The following OSBP2 variants were observed in gnomAD, a reference collection of about 807,000 sequenced individuals.
OSBP2 encodes the protein oxysterol-binding protein 2.
A neutral mutation model predicts 96.0 loss-of-function variants in OSBP2; 66 were observed. That is an observed-to-expected ratio of 0.69 (90% CI 0.56 to 0.84). The LOEUF is 0.84. OSBP2 is among the 40% of genes least tolerant of loss of function. The pLI, the probability that OSBP2 is intolerant of heterozygous loss-of-function variation, is 0.00. For synonymous variants in OSBP2, 525 were observed against 520.9 expected, an observed-to-expected ratio of 1.01 and a Z score of -0.11; for missense variants, 1,038 against 1,222.7, an observed-to-expected ratio of 0.85 and a Z score of 2.25.
intron 2 of OSBP2, among the ~76,000 whole-genome samples, chr22:30,810,201 G>A (rs1023943488): frequency 3.3e-5 from 5 of 152,116 alleles, no homozygotes; most frequent in African/African-American, 9.7e-5. Flanking sequence ...GTCCTCAAGC[G>A]AGGACAGAGG....
chr22:30,791,325 T>C (rs948998010), intron 2 of OSBP2, among the ~76,000 whole-genome samples: 61 of 128,538 alleles, frequency 4.7e-4, no homozygotes, highest in Non-Finnish European at 8.1e-4. Flanking sequence ...ATTCTTCTTT[T>C]TTTTTTTTTT....
At chr22:30,716,082 C>T (rs569082324) in intron 1 of OSBP2, among the ~76,000 whole-genome samples, 3 of 151,126 alleles carry the variant, frequency 2.0e-5, no homozygotes, top group African/African-American at 7.3e-5. Flanking sequence ...GCTCTTGTCG[C>T]CCAGGCTGGA....
intron 2 of OSBP2, among the ~76,000 whole-genome samples, chr22:30,756,871 G>GT (rs2090147456): frequency 6.6e-6 from 1 of 152,110 alleles, no homozygotes; most frequent in Admixed American, 6.6e-5. Flanking sequence ...TCAGGCAGGG[G>GT]TGATAGGGCC....
intron 2 of OSBP2, among the ~76,000 whole-genome samples, chr22:30,796,663 G>A (rs2090767067): frequency 6.6e-6 from 1 of 151,944 alleles, no homozygotes; most frequent in Admixed American, 6.6e-5. Flanking sequence ...ATGCCACCAA[G>A]CCCAGCTAAT....
chr22:30,728,239 A>G (rs1228837746), intron 1 of OSBP2, among the ~76,000 whole-genome samples: 1 of 151,928 alleles, frequency 6.6e-6, no homozygotes, highest in East Asian at 1.9e-4. Flanking sequence ...TACTAAAAAT[A>G]CAAAAAATTA....
chr22:30,777,169 G>T (rs971867509), intron 2 of OSBP2, among the ~76,000 whole-genome samples: 14 of 152,182 alleles, frequency 9.2e-5, no homozygotes, highest in African/African-American at 3.4e-4. Flanking sequence ...TTGGGGGACT[G>T]TTGGGAAGGC....
In OSBP2 at chr22:30,804,164, C is replaced by T. The variant is rs140691042; in HGVS notation, c.853+62795C>T. Among the ~76,000 whole-genome samples the T allele has an allele frequency of 6.9e-3, 1,045 of 152,282 alleles. 11 individuals are homozygous for T. Among genetic ancestry groups the T allele is most frequent in the Admixed American group, 0.01 (160 of 15,302 alleles). ...ATGGGTGGGCTTCTGGGGGGCTTTA[C>T]TGCCTAGGCAAAAGGGATTTGGTGT... On this transcript the variant is annotated intron_variant, in intron 2 of 13. Coordinates refer to ENST00000332585, the MANE Select transcript of OSBP2 (RefSeq NM_030758.4).
chr22:30,739,870 C>T (rs777021522), intron 1 of OSBP2, among the ~76,000 whole-genome samples: 35 of 151,916 alleles, frequency 2.3e-4, no homozygotes, highest in African/African-American at 5.3e-4. Context: ...GACAGAGTCT[C>T]GCTCTGTAGC....
At chr22:30,865,444 G>A (rs2039315516) in intron 2 of OSBP2, among the ~76,000 whole-genome samples, 2 of 152,056 alleles carry the variant, frequency 1.3e-5, no homozygotes, top group Admixed American at 1.3e-4. Context: ...GGCCAACATA[G>A]TGAAACCCCA....
chr22:30,789,748 C>T (rs1213780434), intron 2 of OSBP2, among the ~76,000 whole-genome samples: 5 of 152,056 alleles, frequency 3.3e-5, no homozygotes, highest in Non-Finnish European at 7.4e-5. Flanking sequence ...GTACCAGTGA[C>T]CAGAAGGTGG....
chr22:30,886,987 CCCCGGGGCTG>C lies in OSBP2; in HGVS notation c.1108-437_1108-428del, dbSNP rs1489076096. On this transcript the variant is annotated intron_variant, in intron 3 of 13. Transcript: ENST00000332585. ...ATGGCTACTCCATAGATAGAGCAGC[CCCCGGGGCTG>C]CTTGTTGCCCATTTTTATGGTTATT... Among the ~76,000 whole-genome samples, 3 of 152,102 alleles carry C rather than the reference CCCCGGGGCTG, an allele frequency of 2.0e-5. No individual in the cohort carries two copies. In the East Asian group the frequency reaches 5.8e-4, roughly 29 times the overall value.
In OSBP2 at chr22:30,907,195, C is replaced by G. The variant is rs990561233; in HGVS notation, c.*856C>G. 1.3e-5 allele frequency: 2 copies of G among 152,628 alleles called. No individual in the cohort carries two copies. Among genetic ancestry groups the G allele is most frequent in the Non-Finnish European group, 2.9e-5 (2 of 68,056 alleles). The allele number at this position is 152,628 out of a possible 1,614,324, so 9.5% of individuals were successfully genotyped here. On this transcript the variant is annotated 3_prime_UTR_variant, in exon 14 of 14. Coordinates refer to ENST00000332585, the MANE Select transcript of OSBP2 (RefSeq NM_030758.4). ...CAGGCCCCAAATCAGCAATAATGAACAAACCCTTGGCCCAGCCTGGGCTGG... is the reference window on the plus strand; with the variant it reads ...CAGGCCCCAAATCAGCAATAATGAAGAAACCCTTGGCCCAGCCTGGGCTGG...
intron 2 of OSBP2, among the ~76,000 whole-genome samples, chr22:30,746,431 A>C (rs141787267): frequency 3.0e-4 from 46 of 152,074 alleles, no homozygotes; most frequent in African/African-American, 1.1e-3. Flanking sequence ...CTCAAAAAAA[A>C]AATTATACCA....
At chr22:30,757,793 C>T (rs2090159827) in intron 2 of OSBP2, among the ~76,000 whole-genome samples, 1 of 152,180 alleles carries the variant, frequency 6.6e-6, no homozygotes, top group Non-Finnish European at 1.5e-5. Flanking sequence ...CCACCACTCA[C>T]TACTTTGAAA....
chr22:30,888,080 A>T, intron 4 of OSBP2, 143 bp from the exon 5 acceptor site: 2 of 670,182 alleles, frequency 3.0e-6, no homozygotes, highest in Non-Finnish European at 5.4e-6. Context: ...GCCGCAGCCC[A>T]GGGAATCAGG....
intron 2 of OSBP2, among the ~76,000 whole-genome samples, chr22:30,776,066 G>T (rs2090431403): frequency 6.6e-6 from 1 of 151,156 alleles, no homozygotes; most frequent in African/African-American, 2.4e-5. Context: ...AAAGTGTTAG[G>T]ATTACAGGGG....
chr22:30,788,166 T>C (rs1010149046), intron 2 of OSBP2, among the ~76,000 whole-genome samples: 1 of 152,154 alleles, frequency 6.6e-6, no homozygotes, highest in Admixed American at 6.6e-5. Context: ...CTGGTCCATA[T>C]GGCCTCAGTA....
intron 2 of OSBP2, among the ~76,000 whole-genome samples, chr22:30,845,699 T>C (rs1018275326): frequency 2.0e-5 from 3 of 151,646 alleles, no homozygotes; most frequent in African/African-American, 7.3e-5. Context: ...CTGGTCAACA[T>C]GGTGAAATCC....
In OSBP2 at chr22:30,708,496, T is replaced by C. The variant is rs1267289292; in HGVS notation, c.644+12943T>C. On this transcript the variant is annotated intron_variant, in intron 1 of 13. Coordinates refer to ENST00000332585, the MANE Select transcript of OSBP2 (RefSeq NM_030758.4). The stretch of plus-strand genomic sequence containing the variant: ...GATAAGGATTTTTTTTTTTTTTTTT[T>C]TTTTTTTTTTGAGACAGAGTCTTGC... Among the ~76,000 whole-genome samples, 23 of 133,644 alleles carry C rather than the reference T, an allele frequency of 1.7e-4. No homozygotes were observed. In the South Asian group the frequency reaches 6.0e-3, roughly 35 times the overall value. The allele number at this position is 133,644 out of a possible 152,430, so 87.7% of individuals were successfully genotyped here. A position where few individuals can be genotyped will look rare whatever the true frequency, so the allele number is the denominator to read the frequency against.
Sources: gnomAD v4.1 joint callset for allele counts (sites outside exome capture counted in the v4.1 genomes callset) on GRCh38, gnomAD v4.1.1 for gene constraint, MANE v1.5 for transcripts, NCBI Gene and HGNC (gene_info 2026-07-23, HGNC 2026-07-21) for gene names.